Variants in FUT8 observed in about 807,000 individuals in gnomAD.
FUT8 encodes the protein alpha-(1,6)-fucosyltransferase.
Under a neutral mutation model 71.3 loss-of-function variants are expected in FUT8, and 29 were observed. That is an observed-to-expected ratio of 0.41 (90% CI 0.30 to 0.55). FUT8 has a LOEUF of 0.55. Ranked by LOEUF, FUT8 falls within the 20% of genes least tolerant of loss-of-function variation. The probability of loss-of-function intolerance (pLI) is 0.34; values close to 1 mark genes in which losing one functional copy is unlikely to be tolerated. For synonymous variants in FUT8, 254 were observed against 239.3 expected, an observed-to-expected ratio of 1.06 and a Z score of -0.57; for missense variants, 544 against 702.1, an observed-to-expected ratio of 0.77 and a Z score of 2.55.
Position 65,561,420 on chromosome 14 carries a change from C to A in FUT8, c.-144C>A. 1 of 725,294 alleles carries A rather than the reference C, an allele frequency of 1.4e-6. No homozygotes were observed. Among genetic ancestry groups the A allele is most frequent in the Non-Finnish European group, 2.3e-6 (1 of 425,634 alleles). The allele number at this position is 725,294 out of a possible 1,614,324, so 44.9% of individuals were successfully genotyped here. On this transcript the variant is annotated 5_prime_UTR_variant, in exon 3 of 11. Coordinates refer to ENST00000673929, the MANE Select transcript of FUT8 (RefSeq NM_001371533.1). ...TCTCTTTGAAAGATTCACTGCAGGACTACCAGAGAGAATAATTTGTCTGAA... is the reference window on the plus strand; with the variant it reads ...TCTCTTTGAAAGATTCACTGCAGGAATACCAGAGAGAATAATTTGTCTGAA...
chr14:65,422,180 C>T (rs2139388513), intron 1 of FUT8, among the ~76,000 whole-genome samples: 1 of 152,242 alleles, frequency 6.6e-6, no homozygotes. Flanking sequence ...ACTTCAGGGA[C>T]AAAGCATCAA....
At chr14:65,571,909 A>G (rs1008087900) in intron 3 of FUT8, among the ~76,000 whole-genome samples, 2 of 152,146 alleles carry the variant, frequency 1.3e-5, no homozygotes. Flanking sequence ...CTTAAACTCA[A>G]TATATGAAAA....
chr14:65,725,783 TATTTA>T (rs1895654604), intron 9 of FUT8, among the ~76,000 whole-genome samples: 1 of 152,254 alleles, frequency 6.6e-6, no homozygotes. Flanking sequence ...GCTTTTTGGC[TATTTA>T]ATTAATGTAT....
rs903005192 is a variant in FUT8 at position 65,690,285 on chromosome 14, T to G, written c.835+20805T>G. Among the ~76,000 whole-genome samples the G allele has an allele frequency of 2.6e-5, 4 of 152,284 alleles. 1 individual carries two copies. The Middle Eastern group carries it at 0.01, about 388-fold the overall frequency. ...TGTCTTGATTACTTTATATATAAAGTAATCTTCAAAAAAGTCTTTGAAGTC... is the reference window on the plus strand; with the variant it reads ...TGTCTTGATTACTTTATATATAAAGGAATCTTCAAAAAAGTCTTTGAAGTC... On this transcript the variant is annotated intron_variant, in intron 7 of 10. Coordinates refer to ENST00000673929, the MANE Select transcript of FUT8 (RefSeq NM_001371533.1).
At chr14:65,513,360 G>T (rs1396406016) in intron 2 of FUT8, among the ~76,000 whole-genome samples, 1 of 152,100 alleles carries the variant, frequency 6.6e-6, no homozygotes, top group African/African-American at 2.4e-5. Context: ...TATCCTAAAA[G>T]GGAGCTAATT....
intron 3 of FUT8, among the ~76,000 whole-genome samples, chr14:65,599,650 A>G (rs753010162): frequency 1.3e-4 from 20 of 152,186 alleles, no homozygotes; most frequent in Admixed American, 7.9e-4. Flanking sequence ...TGCAAGGTTT[A>G]CAAGTCCGTT....
At chr14:65,451,292 C>T (rs570800114) in intron 1 of FUT8, among the ~76,000 whole-genome samples, 18 of 152,386 alleles carry the variant, frequency 1.2e-4, no homozygotes, top group African/African-American at 2.6e-4. Context: ...AGACCCACTG[C>T]GTTCTGCCCC....
chr14:65,650,435 C>G (rs1891335220), intron 6 of FUT8, among the ~76,000 whole-genome samples: 1 of 150,358 alleles, frequency 6.7e-6, no homozygotes, highest in African/African-American at 2.4e-5. Context: ...AACTTACAAT[C>G]ATGGCAGAAG....
chr14:65,649,724 C>T (rs1345716835), intron 6 of FUT8, among the ~76,000 whole-genome samples: 2 of 152,094 alleles, frequency 1.3e-5, no homozygotes, highest in African/African-American at 4.8e-5. Flanking sequence ...GTTATATTTT[C>T]CTTTTAAATA....
At chr14:65,528,514 C>T (rs771563830) in intron 2 of FUT8, among the ~76,000 whole-genome samples, 4 of 152,198 alleles carry the variant, frequency 2.6e-5, no homozygotes, top group Non-Finnish European at 5.9e-5. Flanking sequence ...AGCGATGCCT[C>T]ACCCTACTTC....
intron 5 of FUT8, among the ~76,000 whole-genome samples, chr14:65,616,702 G>A (rs1388144220): frequency 6.6e-6 from 1 of 152,186 alleles, no homozygotes; most frequent in Non-Finnish European, 1.5e-5. Flanking sequence ...TTGAAGTGGA[G>A]TGTGCAGTTT....
intron 5 of FUT8, among the ~76,000 whole-genome samples, chr14:65,623,881 T>C (rs576174631): frequency 6.6e-6 from 1 of 152,178 alleles, no homozygotes; most frequent in Non-Finnish European, 1.5e-5. Flanking sequence ...TGCCCACTTA[T>C]TAGATTTCTT....
At chr14:65,393,750 C>T in the FUT8 span, among the ~76,000 whole-genome samples, 13 of 152,072 alleles carry the variant, frequency 8.5e-5, no homozygotes, top group African/African-American at 2.2e-4. Context: ...ACTTCTAGTC[C>T]GTGTGGCATC....
At chr14:65,706,517 A>G (rs977931149) in intron 7 of FUT8, among the ~76,000 whole-genome samples, 1 of 152,158 alleles carries the variant, frequency 6.6e-6, no homozygotes, top group East Asian at 1.9e-4. Context: ...TTGGGCTGCT[A>G]TAACAAAATA....
intron 7 of FUT8, among the ~76,000 whole-genome samples, chr14:65,670,022 T>G (rs1218144908): frequency 2.0e-5 from 3 of 152,206 alleles, no homozygotes; most frequent in Non-Finnish European, 4.4e-5. Flanking sequence ...AACTTTATCT[T>G]CAAATGAAGC....
intron 10 of FUT8, among the ~76,000 whole-genome samples, chr14:65,736,219 A>C (rs1896209074): frequency 6.6e-6 from 1 of 152,150 alleles, no homozygotes; most frequent in Non-Finnish European, 1.5e-5. Context: ...AAAGTAAAGC[A>C]CTGCGAATAG....
intron 2 of FUT8, among the ~76,000 whole-genome samples, chr14:65,493,713 A>G (rs2066517658): frequency 1.3e-5 from 2 of 152,096 alleles, no homozygotes; most frequent in South Asian, 4.1e-4. Flanking sequence ...TTGCTGGGCT[A>G]TTGATTCTAG....
chr14:65,553,306 A>C (rs1384078793), intron 2 of FUT8, among the ~76,000 whole-genome samples: 1 of 152,138 alleles, frequency 6.6e-6, no homozygotes, highest in African/African-American at 2.4e-5. Context: ...ATGTGTAGTG[A>C]GACAACTTGA....
chr14:65,674,625 C>T (rs1566888841), intron 7 of FUT8, among the ~76,000 whole-genome samples: 1 of 152,206 alleles, frequency 6.6e-6, no homozygotes, highest in African/African-American at 2.4e-5. Flanking sequence ...AATAAACCCA[C>T]AATTTAATCA....
Sources: gnomAD v4.1 joint callset for allele counts (sites outside exome capture counted in the v4.1 genomes callset) on GRCh38, gnomAD v4.1.1 for gene constraint, MANE v1.5 for transcripts, NCBI Gene and HGNC (gene_info 2026-07-23, HGNC 2026-07-21) for gene names.